The following SLC9B1 variants were observed in gnomAD, a reference collection of about 807,000 sequenced individuals.
SLC9B1 encodes the protein sodium/hydrogen exchanger 9B1.
A neutral mutation model predicts 51.7 loss-of-function variants in SLC9B1; 32 were observed. That is an observed-to-expected ratio of 0.62 (90% confidence interval 0.47 to 0.83). The LOEUF (loss-of-function observed/expected upper bound fraction) is 0.83, where lower values mean the gene tolerates loss of function less well. Ranked by LOEUF, SLC9B1 falls within the 40% of genes least tolerant of loss-of-function variation. SLC9B1 has a pLI of 0.00. For missense variants in SLC9B1, 406 were observed against 613.2 expected, an observed-to-expected ratio of 0.66 and a Z score of 3.57; for synonymous variants, 145 against 212.7, an observed-to-expected ratio of 0.68 and a Z score of 2.77.
chr4:102,973,220 T>C (rs1446539389), intron 3 of SLC9B1, among the ~76,000 whole-genome samples: 3 of 152,086 alleles, frequency 2.0e-5, no homozygotes, highest in East Asian at 1.9e-4. Context: ...GTTAAAAACA[T>C]GAAGACACAA....
In SLC9B1 at chr4:102,906,450, G is replaced by T. The variant is rs1578334851; in HGVS notation, c.1195+86C>A. On this transcript the variant is annotated intron_variant, in intron 10 of 11. Coordinates refer to ENST00000296422, the MANE Select transcript of SLC9B1 (RefSeq NM_139173.4). Reference sequence around the variant, plus strand: ...TCTGAAGAAGGTCGTTGTAGCCAAAGATATATTGTAAATAAAAATAAATGT... The same window carrying T: ...TCTGAAGAAGGTCGTTGTAGCCAAATATATATTGTAAATAAAAATAAATGT... 4.3e-5 allele frequency: 31 copies of T among 713,714 alleles called. No individual in the cohort carries two copies. In the East Asian group the frequency reaches 9.2e-4, roughly 21 times the overall value. The allele number at this position is 713,714 out of a possible 1,614,324, so 44.2% of individuals were successfully genotyped here.
chr4:103,017,269 T>C (rs1056571299), intron 1 of SLC9B1, among the ~76,000 whole-genome samples: 6 of 152,220 alleles, frequency 3.9e-5, no homozygotes, highest in African/African-American at 1.4e-4. Context: ...TCTGCAATTA[T>C]CTTCTGCTAT....
intron 3 of SLC9B1, among the ~76,000 whole-genome samples, chr4:102,959,134 A>C (rs1007799350): frequency 2.6e-5 from 4 of 152,174 alleles, no homozygotes; most frequent in Non-Finnish European, 4.4e-5. Context: ...ACTTTAAAAA[A>C]ACAAGATTCA....
intron 11 of SLC9B1, among the ~76,000 whole-genome samples, chr4:102,886,460 C>T (rs555514251): frequency 3.6e-4 from 54 of 151,838 alleles, no homozygotes; most frequent in Non-Finnish European, 6.3e-4. Context: ...CACTGCACTC[C>T]AGCCTGGGCG....
At chr4:102,989,356 C>G (rs991006899) in intron 3 of SLC9B1, among the ~76,000 whole-genome samples, 1 of 151,956 alleles carries the variant, frequency 6.6e-6, no homozygotes, top group African/African-American at 2.4e-5. Context: ...GACAACAACA[C>G]TATGCTTTAA....
chr4:102,912,829 G>T (rs1363769130), intron 7 of SLC9B1, among the ~76,000 whole-genome samples: 1 of 152,084 alleles, frequency 6.6e-6, no homozygotes, highest in Non-Finnish European at 1.5e-5. Flanking sequence ...ACTCCAGCCT[G>T]GCTGACAGAG....
intron 3 of SLC9B1, among the ~76,000 whole-genome samples, chr4:102,949,916 G>A (rs1446659001): frequency 1.3e-5 from 2 of 151,986 alleles, no homozygotes; most frequent in African/African-American, 4.8e-5. Flanking sequence ...AGCCAAGATT[G>A]TGCCACTGCA....
chr4:102,921,353 G>C (rs1735867863), intron 7 of SLC9B1, among the ~76,000 whole-genome samples: 1 of 152,102 alleles, frequency 6.6e-6, no homozygotes, highest in Non-Finnish European at 1.5e-5. Flanking sequence ...TTACAGACAA[G>C]CAAATGCTGA....
At chr4:102,897,991 T>G (rs1439581272), downstream of SLC9B1, 1 of 400,152 alleles carries the variant, frequency 2.5e-6, no homozygotes, top group Admixed American at 3.2e-5. Context: ...TGATGGCATC[T>G]GCTCCTCCTC....
intron 3 of SLC9B1, among the ~76,000 whole-genome samples, chr4:102,982,725 T>C (rs1458642392): frequency 1.3e-5 from 2 of 152,158 alleles, no homozygotes; most frequent in Non-Finnish European, 2.9e-5. Context: ...GACTTTTGTA[T>C]ATTAATCTTG....
intron 1 of SLC9B1, among the ~76,000 whole-genome samples, chr4:103,015,487 C>G (rs1351260397): frequency 6.6e-6 from 1 of 152,154 alleles, no homozygotes; most frequent in Non-Finnish European, 1.5e-5. Context: ...ACCCAACACT[C>G]TAGTCTTTCA....
In SLC9B1 at chr4:103,019,697, C is replaced by G; in HGVS notation, c.-100G>C. ...GCCACCCAGGTGGGCAGGGTGGTGA[C>G]GCGAAAGCCCGGATAGACTTCCGCG... is the stretch of plus-strand genomic sequence containing the variant. On this transcript the variant is annotated 5_prime_UTR_variant, in exon 1 of 12. Coordinates refer to ENST00000296422, the MANE Select transcript of SLC9B1 (RefSeq NM_139173.4). The G allele has an allele frequency of 1.0e-6, 1 of 985,490 alleles. No individual in the cohort carries two copies. The highest frequency in any genetic ancestry group is 1.2e-6 in the Non-Finnish European group (1 of 829,964). The allele number at this position is 985,490 out of a possible 1,614,324, so 61.0% of individuals were successfully genotyped here.
At chr4:102,965,787 A>T (rs1022400337) in intron 3 of SLC9B1, among the ~76,000 whole-genome samples, 6 of 151,676 alleles carry the variant, frequency 4.0e-5, no homozygotes, top group Non-Finnish European at 2.9e-5. Context: ...AAAATAATAA[A>T]AAAAAAAACA....
At chr4:102,945,155 T>C (rs751166464) in intron 6 of SLC9B1, 38 bp downstream of exon 6, 1 of 1,524,728 alleles carries the variant, frequency 6.6e-7, no homozygotes, top group South Asian at 1.3e-5. Flanking sequence ...GCATCCTTAA[T>C]TGAATATTTT....
intron 1 of SLC9B1, among the ~76,000 whole-genome samples, chr4:102,998,307 C>A (rs1740333267): frequency 6.6e-6 from 1 of 152,068 alleles, no homozygotes; most frequent in Non-Finnish European, 1.5e-5. Context: ...ACTTATCATG[C>A]CTTCAAAATT....
At chr4:102,898,988 G>A (rs1734666032), downstream of SLC9B1, among the ~76,000 whole-genome samples, 5 of 152,000 alleles carry the variant, frequency 3.3e-5, no homozygotes, top group South Asian at 8.3e-4. Flanking sequence ...TGATCCACCC[G>A]CCTTGGCCTC....
At chr4:102,910,182 TA>T (rs1560921881) in intron 9 of SLC9B1, among the ~76,000 whole-genome samples, 1 of 152,104 alleles carries the variant, frequency 6.6e-6, no homozygotes, top group East Asian at 1.9e-4. Flanking sequence ...ATTAGATTGA[TA>T]AAGGTAATAT....
chr4:102,941,417 GA>G, intron 6 of SLC9B1: 2 of 453,340 alleles, frequency 4.4e-6, no homozygotes, highest in Admixed American at 4.7e-5. Context: ...TAACATTAGA[GA>G]AATGCAAAAC....
intron 3 of SLC9B1, among the ~76,000 whole-genome samples, chr4:102,989,297 G>C (rs1354473216): frequency 6.6e-6 from 1 of 151,888 alleles, no homozygotes; most frequent in East Asian, 1.9e-4. Context: ...TAATCAAACA[G>C]AATATTTAGA....
Sources: allele counts gnomAD v4.1 joint callset (sites outside exome capture counted in the v4.1 genomes callset), GRCh38; gene constraint gnomAD v4.1.1; transcripts MANE v1.5; gene names NCBI Gene and HGNC (gene_info 2026-07-23, HGNC 2026-07-21).